KCNC1: variants seen among roughly 807,000 people sequenced by gnomAD.
KCNC1 encodes voltage-gated potassium channel KCNC1.
A neutral mutation model predicts 43.4 loss-of-function variants in KCNC1; 8 were observed. That is an observed-to-expected ratio of 0.18 (90% CI 0.11 to 0.33). KCNC1 has a LOEUF of 0.33. KCNC1 is among the 10% of genes least tolerant of loss of function. KCNC1 has a pLI of 1.00. For synonymous variants in KCNC1, 361 were observed against 360.5 expected (o/e 1.00, Z -0.01); for missense variants, 420 against 836.0 (o/e 0.50, Z 6.14).
rs972069733 is a variant in KCNC1, at chr11:17,776,019, G to A, written c.1504+3421G>A. The A allele has an allele frequency of 1.5e-5, 15 of 985,256 alleles. No individual in the cohort carries two copies. Among genetic ancestry groups the A allele is most frequent in the African/African-American group, 1.7e-5 (1 of 57,180 alleles). The allele number at this position is 985,256 out of a possible 1,614,324, so 61.0% of individuals were successfully genotyped here. A position where few individuals can be genotyped will look rare whatever the true frequency, so the allele number is the denominator to read the frequency against. ...AGCTGGGCAGCGCTGACTAGGCGGC[G>A]GGTGGGGCTAAGAGAGTTTCTGCAG... On this transcript the variant is annotated intron_variant, in intron 2 of 3. Transcript: ENST00000265969. The surrounding 1 kb of genome is among the most constrained non-coding windows in gnomAD (Gnocchi z 4.4).
rs371344625 is a variant in KCNC1 at position 17,771,688 on chromosome 11, C to T, written c.594C>T (p.Phe198=). 16 of 1,609,946 alleles carry T rather than the reference C, an allele frequency of 9.9e-6. No homozygotes were observed. In the African/African-American group the frequency reaches 1.6e-4, roughly 16 times the overall value. The change falls in exon 2 of 4, where the codon TTC becomes TTT. Residue 198 remains phenylalanine (F), a synonymous_variant. Coordinates refer to ENST00000265969, the MANE Select transcript of KCNC1 (RefSeq NM_001112741.2). The surrounding 1 kb of genome is among the most constrained non-coding windows in gnomAD (Gnocchi z 4.7). ...YARYVAFASL[F]FILVSITTFC... ...AGTATGTGGCCTTCGCTTCCCTCTT[C>T]TTCATCCTGGTCTCCATCACCACCT...
intron 1 of KCNC1, among the ~76,000 whole-genome samples, chr11:17,755,086 C>T (rs1289448859): frequency 1.3e-5 from 2 of 152,050 alleles, no homozygotes; most frequent in African/African-American, 4.8e-5. Context: ...CTTGGGGTGC[C>T]ATGAGGCAGT....
chr11:17,736,132 A>G lies in KCNC1; in HGVS notation c.130A>G (p.Ser44Gly). 2 of 1,612,622 alleles carry G rather than the reference A, an allele frequency of 1.2e-6. No individual in the cohort carries two copies. The highest frequency in any genetic ancestry group is 1.7e-6 in the Non-Finnish European group (2 of 1,179,408). Residue 44 changes from serine to glycine, a missense_variant, in exon 1 of 4, where the codon AGC (serine) becomes GGC (glycine). Coordinates refer to ENST00000265969, the MANE Select transcript of KCNC1 (RefSeq NM_001112741.2). This position sits in a 1 kb window ranked among gnomAD's most constrained non-coding sequence, Gnocchi z 9.3. Reference protein sequence around the residue: ...LAWLAEPDAHSHFDYDPRADE... With the variant: ...LAWLAEPDAHGHFDYDPRADE... ...CTGGCTGGCGGAGCCCGACGCCCAC[A>G]GCCACTTCGACTATGACCCGCGTGC...
chr11:17,777,708 G>T lies in KCNC1; in HGVS notation c.1505-1748G>T. 1 of 985,952 alleles carries T rather than the reference G, an allele frequency of 1.0e-6. No individual in the cohort carries two copies. The highest frequency in any genetic ancestry group is 1.2e-6 in the Non-Finnish European group (1 of 829,948). The allele number at this position is 985,952 out of a possible 1,614,324, so 61.1% of individuals were successfully genotyped here. ...AAGCCCCTGGGATTTGTCGAGAAAC[G>T]CACTGTACGTGAAATGCTTTGCCAT... On this transcript the variant is annotated intron_variant, in intron 2 of 3. Coordinates refer to ENST00000265969, the MANE Select transcript of KCNC1 (RefSeq NM_001112741.2). This position sits in a 1 kb window ranked among gnomAD's most constrained non-coding sequence, Gnocchi z 4.3.
intron 2 of KCNC1, among the ~76,000 whole-genome samples, chr11:17,778,002 C>G (rs977498713): frequency 3.3e-5 from 5 of 152,176 alleles, no homozygotes; most frequent in South Asian, 2.1e-4. Flanking sequence ...CTTTTCCCCC[C>G]ACTCTACTCT....
chr11:17,749,364 A>G (rs757515), intron 1 of KCNC1, among the ~76,000 whole-genome samples: 128,344 of 152,278 alleles, frequency 0.84, 54,688 homozygotes, highest in East Asian at 1. Context: ...ACCCCACCTG[A>G]GAGGAGAATA....
chr11:17,735,096 C>G lies in KCNC1; in HGVS notation c.-907C>G, dbSNP rs1848747974. 6.6e-6 allele frequency: 1 copy of G among 152,174 alleles called. No individual in the cohort carries two copies. The highest frequency in any genetic ancestry group is 1.5e-5 in the Non-Finnish European group (1 of 68,058). The allele number at this position is 152,174 out of a possible 1,614,324, so 9.4% of individuals were successfully genotyped here. A position where few individuals can be genotyped will look rare whatever the true frequency, so the allele number is the denominator to read the frequency against. ...ACCCCCGCCTGGCCCCGTGCAGCTC[C>G]GCGACCGCCGGGAGCTGTCCCTTCA... On this transcript the variant is annotated 5_prime_UTR_variant, in exon 1 of 4. Transcript: ENST00000265969. The surrounding 1 kb of genome is among the most constrained non-coding windows in gnomAD (Gnocchi z 6.7).
intron 1 of KCNC1, among the ~76,000 whole-genome samples, chr11:17,755,397 C>G (rs1849012613): frequency 6.6e-6 from 1 of 152,128 alleles, no homozygotes; most frequent in African/African-American, 2.4e-5. Context: ...GTGTTGAAAA[C>G]AGTCCTAGCG....
At position 17,736,561 on chromosome 11, in the gene KCNC1, C is replaced by G; in HGVS notation, c.559C>G (p.Arg187Gly). The G allele has an allele frequency of 6.5e-7, 1 of 1,541,450 alleles. No homozygotes were observed. Among genetic ancestry groups the G allele is most frequent in the Non-Finnish European group, 8.7e-7 (1 of 1,154,748 alleles). The change falls in exon 1 of 4, where the codon CGC becomes GGC. Residue 187 changes from arginine to glycine, a missense_variant. Around this residue, in one of 5 missense-constraint regions of KCNC1, gnomAD observed 151 missense variants for 216.7 expected, o/e 0.70. Coordinates refer to ENST00000265969, the MANE Select transcript of KCNC1 (RefSeq NM_001112741.2). This position sits in a 1 kb window ranked among gnomAD's most constrained non-coding sequence, Gnocchi z 9.3. Reference protein sequence around the residue: ...WALFEDPYSSRYARYVAFASL... With the variant: ...WALFEDPYSSGYARYVAFASL... ...GCTCTTCGAGGACCCGTACTCGTCCCGCTACGCGCGGGTAAGTGACAATTT... is the reference window on the plus strand; with the variant it reads ...GCTCTTCGAGGACCCGTACTCGTCCGGCTACGCGCGGGTAAGTGACAATTT...
chr11:17,777,668 G>A lies in KCNC1; in HGVS notation c.1505-1788G>A. Reference sequence around the variant, plus strand: ...TGGCAACTGGCCTTTTTGGTTCAGAGTAAATTGGGAAGTGAAGCCCCTGGG... The same window carrying A: ...TGGCAACTGGCCTTTTTGGTTCAGAATAAATTGGGAAGTGAAGCCCCTGGG... On this transcript the variant is annotated intron_variant, in intron 2 of 3. Coordinates refer to ENST00000265969, the MANE Select transcript of KCNC1 (RefSeq NM_001112741.2). This position sits in a 1 kb window ranked among gnomAD's most constrained non-coding sequence, Gnocchi z 4.3. 1 of 985,922 alleles carries A rather than the reference G, an allele frequency of 1.0e-6. No individual in the cohort carries two copies. Among genetic ancestry groups the A allele is most frequent in the South Asian group, 4.7e-5 (1 of 21,290 alleles). The allele number at this position is 985,922 out of a possible 1,614,324, so 61.1% of individuals were successfully genotyped here. A position where few individuals can be genotyped will look rare whatever the true frequency, so the allele number is the denominator to read the frequency against.
Position 17,777,620 on chromosome 11 carries a change from G to A in KCNC1, c.1505-1836G>A. 1 of 985,884 alleles carries A rather than the reference G, an allele frequency of 1.0e-6. No homozygotes were observed. The highest frequency in any genetic ancestry group is 1.2e-6 in the Non-Finnish European group (1 of 829,946). The allele number at this position is 985,884 out of a possible 1,614,324, so 61.1% of individuals were successfully genotyped here. On this transcript the variant is annotated intron_variant, in intron 2 of 3. Transcript: ENST00000265969. The surrounding 1 kb of genome is among the most constrained non-coding windows in gnomAD (Gnocchi z 4.3). ...AGACCCCAGAGACGCCCCGGCCCCA[G>A]TCACATGGTGTCAGAGTTACCTTGG...
At chr11:17,772,693 G>C in intron 2 of KCNC1, 95 bp downstream of exon 2, 1 of 1,542,350 alleles carries the variant, frequency 6.5e-7, no homozygotes, top group Non-Finnish European at 8.7e-7. Flanking sequence ...CCTTAGTTCC[G>C]TGGGTGACCC....
At chr11:17,756,705 A>T (rs1849026777) in intron 1 of KCNC1, among the ~76,000 whole-genome samples, 2 of 152,158 alleles carry the variant, frequency 1.3e-5, no homozygotes, top group East Asian at 1.9e-4. Context: ...TACCAAATGG[A>T]AGCCATCAAG....
intron 1 of KCNC1, among the ~76,000 whole-genome samples, chr11:17,758,105 T>C (rs1565158697): frequency 6.6e-6 from 1 of 152,384 alleles, no homozygotes; most frequent in East Asian, 1.9e-4. Context: ...CTTTATCAGC[T>C]GAGTTTATGG....
At chr11:17,748,629 CCACCCCTAAA>C (rs1848929424) in intron 1 of KCNC1, among the ~76,000 whole-genome samples, 1 of 152,160 alleles carries the variant, frequency 6.6e-6, no homozygotes, top group Admixed American at 6.5e-5. Flanking sequence ...AAAGAAAAAT[CCACCCCTAAA>C]TCATGCAAAG....
At chr11:17,761,079 C>T (rs1395867440) in intron 1 of KCNC1, among the ~76,000 whole-genome samples, 1 of 152,168 alleles carries the variant, frequency 6.6e-6, no homozygotes, top group Non-Finnish European at 1.5e-5. Flanking sequence ...AGCATGGGGA[C>T]AGGAAGTCCC....
At position 17,777,536 on chromosome 11, in the gene KCNC1, A is replaced by G. The variant is rs1306912342; in HGVS notation, c.1505-1920A>G. 2.0e-6 allele frequency: 2 copies of G among 985,732 alleles called. No individual in the cohort carries two copies. Among genetic ancestry groups the G allele is most frequent in the Non-Finnish European group, 2.4e-6 (2 of 829,992 alleles). The allele number at this position is 985,732 out of a possible 1,614,324, so 61.1% of individuals were successfully genotyped here. On this transcript the variant is annotated intron_variant, in intron 2 of 3. Transcript: ENST00000265969. The surrounding 1 kb of genome is among the most constrained non-coding windows in gnomAD (Gnocchi z 4.3). ...TTGGATGGAAGACTGGGCCAGCCAG[A>G]GTGGGAGGCAGGACCAGCGTGTCTG...
intron 2 of KCNC1, among the ~76,000 whole-genome samples, chr11:17,778,900 A>AACCAGGATC (rs1849316617): frequency 2.0e-5 from 3 of 151,826 alleles, no homozygotes; most frequent in Non-Finnish European, 4.4e-5. Context: ...GAACCAGGTG[A>AACCAGGATC]TCAGATGAGA....
At position 17,735,907 on chromosome 11, in the gene KCNC1, G is replaced by A. The variant is rs1403130292; in HGVS notation, c.-96G>A. On this transcript the variant is annotated 5_prime_UTR_variant, in exon 1 of 4. Transcript: ENST00000265969. This position sits in a 1 kb window ranked among gnomAD's most constrained non-coding sequence, Gnocchi z 6.7. ...CCCCCCGACGGCTGGGGGGAGGGGG[G>A]AAGAGGGCGCGCGCCCCCCTCCCCG... 3.7e-6 allele frequency: 5 copies of A among 1,334,566 alleles called. No individual in the cohort carries two copies. The highest frequency in any genetic ancestry group is 3.0e-5 in the East Asian group (1 of 33,722). The allele number at this position is 1,334,566 out of a possible 1,614,324, so 82.7% of individuals were successfully genotyped here. A position where few individuals can be genotyped will look rare whatever the true frequency, so the allele number is the denominator to read the frequency against.
Sources: gnomAD v4.1 joint callset for allele counts (sites outside exome capture counted in the v4.1 genomes callset) on GRCh38, gnomAD v4.1.1 for gene constraint, gnomAD v4.1.1 regional missense constraint, Gnocchi (gnomAD v3.1) non-coding constraint, MANE v1.5 for transcripts, NCBI Gene and HGNC (gene_info 2026-07-23, HGNC 2026-07-21) for gene names.